Variants in SEMA6A observed in about 807,000 individuals in gnomAD.
SEMA6A encodes the protein semaphorin 6A, also known as semaphorin-6A.
Under a neutral mutation model 96.8 loss-of-function variants are expected in SEMA6A, and 25 were observed. The observed-to-expected ratio is 0.26, with a 90% CI of 0.19 to 0.36. The LOEUF is 0.36. SEMA6A is among the 10% of genes least tolerant of loss of function. The pLI, the probability that SEMA6A is intolerant of heterozygous loss-of-function variation, is 1.00. For synonymous variants in SEMA6A, 612 were observed against 518.0 expected (o/e 1.18, Z -2.46); for missense variants, 1,363 against 1,323.1 (o/e 1.03, Z -0.47).
intron 18 of SEMA6A, among the ~76,000 whole-genome samples, chr5:116,448,157 C>A (rs1484674048): frequency 2.3e-5 from 3 of 129,924 alleles, no homozygotes; most frequent in Non-Finnish European, 4.7e-5. Context: ...GATGGTGAAA[C>A]CCCCGTCTCT....
At chr5:116,566,876 A>G (rs1761046458) in intron 1 of SEMA6A, among the ~76,000 whole-genome samples, 1 of 152,162 alleles carries the variant, frequency 6.6e-6, no homozygotes. Context: ...GTGACCTGGC[A>G]GATGCATGCC....
rs376513869 is a variant in SEMA6A at position 116,491,756 on chromosome 5, G to A, written c.519C>T (p.Asn173=). 6.1e-5 allele frequency: 98 copies of A among 1,613,580 alleles called. No individual in the cohort carries two copies. The African/African-American group carries it at 9.6e-4, about 16-fold the overall frequency. The change falls in exon 7 of 19, where the codon AAC becomes AAT. Residue 173 remains asparagine (N), a synonymous_variant. Transcript: ENST00000343348. ...GTCGCTTACCTGCAAACAGTGCAAC[G>A]TTGGCATGTTTGGCATCATATGGGC... The part of the protein sequence containing the change: ...ARCPYDAKHA[N]VALFADGKLY...
At chr5:116,487,030 A>T in intron 9 of SEMA6A, 64 bp from the exon 10 acceptor site, 1 of 1,166,324 alleles carries the variant, frequency 8.6e-7, no homozygotes, top group East Asian at 2.4e-5. Context: ...TCTTAGTAGA[A>T]TCTGCATTCC....
intron 15 of SEMA6A, 140 bp downstream of exon 15, chr5:116,477,706 A>C: frequency 7.9e-6 from 6 of 763,322 alleles, no homozygotes; most frequent in African/African-American, 1.7e-5. Flanking sequence ...GGGAAAGGGT[A>C]GGAGAAAGGC....
In SEMA6A at chr5:116,486,718, G is replaced by C. The variant is rs778961665; in HGVS notation, c.962+31C>G. 1.7e-5 allele frequency: 27 copies of C among 1,564,866 alleles called. No homozygotes were observed. The African/African-American group carries it at 3.5e-4, about 20-fold the overall frequency. ...TGGGAGAAGGAAGCCAGGAAGAATT[G>C]ATGAGGTCAACACAGCTAGGGCATG... On this transcript the variant is annotated intron_variant, in intron 10 of 18. Coordinates refer to ENST00000343348, the MANE Select transcript of SEMA6A (RefSeq NM_020796.5).
chr5:116,517,420 C>T (rs544706647), intron 1 of SEMA6A, among the ~76,000 whole-genome samples: 1 of 151,956 alleles, frequency 6.6e-6, no homozygotes, highest in South Asian at 2.1e-4. Context: ...AAAATGAGAA[C>T]GTCTCTTAAT....
chr5:116,544,468 A>AC (rs1760104014), intron 1 of SEMA6A, among the ~76,000 whole-genome samples: 1 of 138,878 alleles, frequency 7.2e-6, no homozygotes, highest in South Asian at 2.2e-4. Flanking sequence ...ATTTTTGAAT[A>AC]TTTTTTTTTT....
At chr5:116,568,566 G>A (rs1761095992) in intron 1 of SEMA6A, among the ~76,000 whole-genome samples, 1 of 152,196 alleles carries the variant, frequency 6.6e-6, no homozygotes, top group Admixed American at 6.5e-5. Flanking sequence ...AATGAGGCCA[G>A]GGTCAAAAGC....
At chr5:116,541,597 C>G (rs1162222201) in intron 1 of SEMA6A, among the ~76,000 whole-genome samples, 5 of 152,196 alleles carry the variant, frequency 3.3e-5, no homozygotes, top group Non-Finnish European at 7.3e-5. Context: ...CTTTGGGAAG[C>G]TGAGGTGAGC....
intron 16 of SEMA6A, among the ~76,000 whole-genome samples, chr5:116,474,775 G>A (rs536630655): frequency 2.6e-4 from 39 of 152,252 alleles, no homozygotes; most frequent in African/African-American, 8.9e-4. Context: ...CAAGCTTCTT[G>A]AAATTCAGCA....
intron 1 of SEMA6A, chr5:116,536,223 A>T (rs1001545090): frequency 2.0e-5 from 3 of 152,128 alleles, no homozygotes; most frequent in Non-Finnish European, 2.9e-5. Context: ...GAATTGGATT[A>T]GCCTTCTGGT....
chr5:116,510,236 T>C (rs964998649), intron 1 of SEMA6A, among the ~76,000 whole-genome samples: 1 of 152,216 alleles, frequency 6.6e-6, no homozygotes, highest in African/African-American at 2.4e-5. Context: ...CCATGTAATC[T>C]TATTTAGACT....
intron 18 of SEMA6A, among the ~76,000 whole-genome samples, chr5:116,463,267 A>C (rs1755528680): frequency 6.6e-6 from 1 of 152,208 alleles, no homozygotes; most frequent in Non-Finnish European, 1.5e-5. Context: ...CACATGACTC[A>C]ATACTCTTGA....
At chr5:116,568,127 G>T (rs1761082718) in intron 1 of SEMA6A, among the ~76,000 whole-genome samples, 1 of 152,184 alleles carries the variant, frequency 6.6e-6, no homozygotes, top group Non-Finnish European at 1.5e-5. Context: ...TAATTTAGAA[G>T]ATGAAGTAGG....
intron 1 of SEMA6A, among the ~76,000 whole-genome samples, chr5:116,544,604 A>G (rs983603643): frequency 1.3e-5 from 2 of 150,982 alleles, no homozygotes; most frequent in Non-Finnish European, 2.9e-5. Flanking sequence ...TGGCCAACTG[A>G]GATCATTATG....
chr5:116,502,628 A>G (rs1003609624), intron 2 of SEMA6A: 3 of 283,002 alleles, frequency 1.1e-5, no homozygotes, highest in South Asian at 1.2e-4. Flanking sequence ...AACCCTTTGC[A>G]TGAAGGTGCT....
intron 8 of SEMA6A, 72 bp from the exon 9 acceptor site, chr5:116,488,268 A>G (rs1418079924): frequency 8.1e-6 from 8 of 992,900 alleles, no homozygotes; most frequent in African/African-American, 1.6e-5. Context: ...AAGTGTAGCC[A>G]AAGACATGTT....
chr5:116,553,927 T>C (rs918638301), intron 1 of SEMA6A, among the ~76,000 whole-genome samples: 1 of 152,204 alleles, frequency 6.6e-6, no homozygotes. Flanking sequence ...GTGTCCAGCC[T>C]GGGTTAATAC....
intron 3 of SEMA6A, among the ~76,000 whole-genome samples, chr5:116,501,396 T>C (rs1449213749): frequency 2.0e-5 from 3 of 150,146 alleles, no homozygotes; most frequent in Non-Finnish European, 3.0e-5. Context: ...TGGATGAGTA[T>C]TTTTTTTTTA....
Sources: allele counts gnomAD v4.1 joint callset (sites outside exome capture counted in the v4.1 genomes callset), GRCh38; gene constraint gnomAD v4.1.1; transcripts MANE v1.5; gene names NCBI Gene and HGNC (gene_info 2026-07-23, HGNC 2026-07-21).